STK33: variants seen among roughly 807,000 people sequenced by gnomAD.
STK33 encodes serine/threonine-protein kinase 33.
In STK33, 52 loss-of-function variants were observed where a neutral mutation model predicts 58.0. The ratio of observed to expected loss-of-function variants is 0.90; its 90% CI spans 0.72 to 1.13. STK33 has a LOEUF of 1.13. Among genes scored for constraint, STK33 ranks in the 50% most tolerant of loss-of-function variants. STK33 has a pLI of 0.00. For synonymous variants in STK33, 215 were observed against 200.1 expected, an observed-to-expected ratio of 1.07 and a Z score of -0.63; for missense variants, 630 against 604.2, an observed-to-expected ratio of 1.04 and a Z score of -0.45.
chr11:8,347,578 C>A, the STK33 span, among the ~76,000 whole-genome samples: 20 of 152,226 alleles, frequency 1.3e-4, no homozygotes, highest in East Asian at 3.9e-3. Flanking sequence ...GAGAAACGAG[C>A]GCTATGGAGG....
intron 15 of STK33, among the ~76,000 whole-genome samples, chr11:8,402,896 A>T (rs1054655559): frequency 6.6e-5 from 10 of 152,206 alleles, no homozygotes; most frequent in African/African-American, 2.4e-4. Context: ...CTTCTCTCAT[A>T]GCTGGAGGGA....
the STK33 span, among the ~76,000 whole-genome samples, chr11:8,380,003 C>A: frequency 6.6e-6 from 1 of 152,136 alleles, no homozygotes; most frequent in African/African-American, 2.4e-5. Context: ...TGTTTATATA[C>A]CACATTTTCT....
At chr11:8,367,085 T>C in the STK33 span, among the ~76,000 whole-genome samples, 608 of 152,382 alleles carry the variant, frequency 4.0e-3, 4 homozygotes, top group African/African-American at 0.014. Context: ...AAAGAGTTTA[T>C]GTAACAGTTT....
chr11:8,567,131 C>T (rs1393824637), intron 1 of STK33: 1 of 151,982 alleles, frequency 6.6e-6, no homozygotes, highest in South Asian at 2.1e-4. Context: ...CAGAGTGAGA[C>T]CCTGTCTCAA....
At chr11:8,418,613 T>A (rs118116408) in intron 14 of STK33, among the ~76,000 whole-genome samples, 3 of 152,192 alleles carry the variant, frequency 2.0e-5, no homozygotes, top group Non-Finnish European at 4.4e-5. Flanking sequence ...AGTAATGGGA[T>A]TGCTGAGATA....
At chr11:8,455,373 C>T (rs977704071) in intron 9 of STK33, among the ~76,000 whole-genome samples, 1 of 152,092 alleles carries the variant, frequency 6.6e-6, no homozygotes, top group Non-Finnish European at 1.5e-5. Context: ...AAACAAAAAC[C>T]CTTGAGACAC....
the STK33 span, among the ~76,000 whole-genome samples, chr11:8,368,463 A>T: frequency 6.6e-6 from 1 of 152,334 alleles, no homozygotes; most frequent in Non-Finnish European, 1.5e-5. Flanking sequence ...CAGACCCAGG[A>T]TGGGCAGCCT....
At chr11:8,363,260 G>A in the STK33 span, among the ~76,000 whole-genome samples, 8 of 152,086 alleles carry the variant, frequency 5.3e-5, no homozygotes, top group African/African-American at 1.9e-4. Context: ...TCTTGAAGAT[G>A]GAGCTGCACA....
chr11:8,489,833 C>A (rs535339198), intron 1 of STK33, among the ~76,000 whole-genome samples: 1 of 152,096 alleles, frequency 6.6e-6, no homozygotes, highest in Admixed American at 6.5e-5. Flanking sequence ...TTCACTACAG[C>A]GGCTCAACTG....
In STK33 at chr11:8,392,519, C is replaced by T; in HGVS notation, c.1536G>A (p.Lys512=). 1 of 1,614,162 alleles carries T rather than the reference C, an allele frequency of 6.2e-7. No individual in the cohort carries two copies. Among genetic ancestry groups the T allele is most frequent in the Non-Finnish European group, 8.5e-7 (1 of 1,180,006 alleles). ...AKSGALSRTK[K]KL is the part of the protein sequence containing the mutation. Reference sequence around the variant, plus strand: ...AACACTGGAGGGAACCTTAGAGTTTCTTTTTGGTTCTGGACAGGGCGCCGG... The same window carrying T: ...AACACTGGAGGGAACCTTAGAGTTTTTTTTTGGTTCTGGACAGGGCGCCGG... Residue 512 remains lysine (K), a synonymous_variant, in exon 16 of 16, where the codon AAG becomes AAA. Coordinates refer to ENST00000687296, the MANE Select transcript of STK33 (RefSeq NM_001352389.2).
the STK33 span, among the ~76,000 whole-genome samples, chr11:8,380,999 T>A: frequency 4.6e-5 from 7 of 152,264 alleles, no homozygotes; most frequent in African/African-American, 1.4e-4. Flanking sequence ...CTATTCCAAG[T>A]AAAGGAACTC....
downstream of STK33, among the ~76,000 whole-genome samples, chr11:8,387,673 G>C (rs948605533): frequency 6.6e-6 from 1 of 152,172 alleles, no homozygotes; most frequent in Non-Finnish European, 1.5e-5. Flanking sequence ...CTTGCAAAAA[G>C]ACTTTGATTC....
At chr11:8,522,881 C>A (rs534275794) in intron 1 of STK33, among the ~76,000 whole-genome samples, 47 of 152,276 alleles carry the variant, frequency 3.1e-4, no homozygotes, top group African/African-American at 1.1e-3. Flanking sequence ...CGGCTCACTG[C>A]AACCTCCCTG....
At chr11:8,431,574 C>T (rs146995860) in intron 14 of STK33, among the ~76,000 whole-genome samples, 3 of 152,216 alleles carry the variant, frequency 2.0e-5, no homozygotes, top group Non-Finnish European at 2.9e-5. Flanking sequence ...GGAGAGGAAC[C>T]GTTTTATTCA....
chr11:8,442,691 TA>T (rs1944916224), intron 11 of STK33, among the ~76,000 whole-genome samples: 1 of 152,194 alleles, frequency 6.6e-6, no homozygotes, highest in South Asian at 2.1e-4. Flanking sequence ...GAACAGAATC[TA>T]AAGTAGCCTT....
In STK33 at chr11:8,553,836, G is replaced by A. The variant is rs145217069; in HGVS notation, c.-466+40247C>T. On this transcript the variant is annotated intron_variant, in intron 1 of 15. Transcript: ENST00000687296. The stretch of plus-strand genomic sequence containing the variant: ...GATTAAAGACTTAAATATAAGACCC[G>A]AAACTATAAAGCTACTAGAAGAAAA... Among the ~76,000 whole-genome samples, 66 of 152,028 alleles carry A rather than the reference G, an allele frequency of 4.3e-4. 1 individual carries two copies. In the East Asian group the frequency reaches 0.012, roughly 28 times the overall value.
intron 1 of STK33, among the ~76,000 whole-genome samples, chr11:8,556,859 A>G (rs1488117286): frequency 6.6e-6 from 1 of 152,224 alleles, no homozygotes; most frequent in East Asian, 1.9e-4. Flanking sequence ...GAATGAATGA[A>G]GAAGAGAAGA....
chr11:8,339,830 TC>T, the STK33 span, among the ~76,000 whole-genome samples: 6 of 152,002 alleles, frequency 3.9e-5, no homozygotes, highest in African/African-American at 1.2e-4. Flanking sequence ...TCTTCCCGGG[TC>T]TCCTTTCCCA....
chr11:8,452,198 G>T (rs538122732), intron 11 of STK33, among the ~76,000 whole-genome samples: 47 of 151,468 alleles, frequency 3.1e-4, no homozygotes, highest in Admixed American at 7.9e-4. Context: ...GCAAGACTCC[G>T]TTTCGAAAAA....
Sources: gnomAD v4.1 joint callset for allele counts (sites outside exome capture counted in the v4.1 genomes callset) on GRCh38, gnomAD v4.1.1 for gene constraint, MANE v1.5 for transcripts, NCBI Gene and HGNC (gene_info 2026-07-23, HGNC 2026-07-21) for gene names.